KL: variants seen among roughly 807,000 people sequenced by gnomAD.
The protein encoded by KL is alpha-klotho.
Under a neutral mutation model 84.2 loss-of-function variants are expected in KL, and 62 were observed. The observed-to-expected ratio is 0.74, with a 90% confidence interval of 0.60 to 0.91. The LOEUF (loss-of-function observed/expected upper bound fraction) is 0.91, where lower values mean the gene tolerates loss of function less well. Among genes scored for constraint, KL ranks in the 40% least tolerant of loss-of-function variants. The probability of loss-of-function intolerance (pLI) is 0.00; values close to 1 mark genes in which losing one functional copy is unlikely to be tolerated. For missense variants in KL, 1,261 were observed against 1,305.7 expected (o/e 0.97, Z 0.53); for synonymous variants, 528 against 528.0 (o/e 1.00, Z 0.00).
chr13:33,045,114 A>T (rs1267038931), intron 1 of KL, among the ~76,000 whole-genome samples: 1 of 152,186 alleles, frequency 6.6e-6, no homozygotes, highest in Non-Finnish European at 1.5e-5. Flanking sequence ...GGAACTTATT[A>T]TAAATGGAAT....
chr13:33,051,041 T>A (rs55777852), intron 1 of KL, among the ~76,000 whole-genome samples: 3,729 of 152,294 alleles, frequency 0.024, 135 homozygotes, highest in African/African-American at 0.086. Flanking sequence ...GCAGGGGTTG[T>A]TTCCTCCACC....
At chr13:33,018,947 C>A (rs934402698) in intron 1 of KL, among the ~76,000 whole-genome samples, 3 of 152,116 alleles carry the variant, frequency 2.0e-5, no homozygotes, top group Non-Finnish European at 4.4e-5. Flanking sequence ...TTTAAATAAT[C>A]AACATGTTTT....
rs530202249 is a variant in KL at position 33,062,952 on chromosome 13, AG to A, written c.2702-890del. ...TAAGGCATGGTGAAGAGTGATTGGC[AG>A]GGGGGGAAAATGAAGTAACAGGTTA... On this transcript the variant is annotated intron_variant, in intron 4 of 4. Transcript: ENST00000380099. Among the ~76,000 whole-genome samples the A allele has an allele frequency of 1.7e-3, 266 of 152,072 alleles. 5 individuals are homozygous for A. The highest frequency in any genetic ancestry group is 6.1e-3 in the African/African-American group (254 of 41,460).
At chr13:33,028,884 A>G (rs1870871165) in intron 1 of KL, among the ~76,000 whole-genome samples, 1 of 152,220 alleles carries the variant, frequency 6.6e-6, no homozygotes, top group East Asian at 1.9e-4. Flanking sequence ...TGTGTAAGAG[A>G]GCTAAACCCT....
chr13:33,016,458 G>C lies in KL; in HGVS notation c.18G>C (p.Pro6=). The C allele has an allele frequency of 4.1e-6, 4 of 971,400 alleles. No individual in the cohort carries two copies. Among genetic ancestry groups the C allele is most frequent in the Non-Finnish European group, 4.9e-6 (4 of 821,464 alleles). The allele number at this position is 971,400 out of a possible 1,614,324, so 60.2% of individuals were successfully genotyped here. The part of the protein sequence containing the change: MPASA[P]PRRPRPPPPS... ...CGCGCAGCATGCCCGCCAGCGCCCCGCCGCGCCGCCCGCGGCCGCCGCCGC... is the reference window on the plus strand; with the variant it reads ...CGCGCAGCATGCCCGCCAGCGCCCCCCCGCGCCGCCCGCGGCCGCCGCCGC... Residue 6 remains proline, a synonymous_variant, in exon 1 of 5, where the codon CCG becomes CCC. Coordinates refer to ENST00000380099, the MANE Select transcript of KL (RefSeq NM_004795.4).
chr13:33,058,967 A>C (rs1872071324), intron 3 of KL, among the ~76,000 whole-genome samples: 1 of 152,188 alleles, frequency 6.6e-6, no homozygotes, highest in African/African-American at 2.4e-5. Flanking sequence ...GCAAGGGACA[A>C]TTCTCCAGAA....
intron 1 of KL, among the ~76,000 whole-genome samples, chr13:33,051,664 TC>T (rs1871754269): frequency 6.6e-6 from 1 of 152,206 alleles, no homozygotes; most frequent in South Asian, 2.1e-4. Flanking sequence ...CTTGTTAAAG[TC>T]CTCAAGGTTA....
chr13:33,020,443 G>A (rs1179385955), intron 1 of KL, among the ~76,000 whole-genome samples: 6 of 152,010 alleles, frequency 3.9e-5, no homozygotes, highest in African/African-American at 1.5e-4. Context: ...GCTGCATCCC[G>A]ATGACTGGAG....
rs1872163558 is a variant in KL, at chr13:33,061,017, A to G, written c.1938A>G (p.Gly646=). The G allele has an allele frequency of 1.2e-6, 2 of 1,612,504 alleles. No homozygotes were observed. Among genetic ancestry groups the G allele is most frequent in the Non-Finnish European group, 1.7e-6 (2 of 1,178,932 alleles). Residue 646 remains glycine (G), a synonymous_variant, in exon 4 of 5, where the codon GGA becomes GGG. Coordinates refer to ENST00000380099, the MANE Select transcript of KL (RefSeq NM_004795.4). The part of the protein sequence containing the change: ...ALWQPMAPNQ[G]LPRLLARQGA... ...GGCAGCCTATGGCCCCGAACCAAGG[A>G]CTGCCGCGCCTCCTGGCCAGGCAGG...
intron 4 of KL, among the ~76,000 whole-genome samples, chr13:33,062,444 AGGT>A (rs1872244420): frequency 6.6e-6 from 1 of 151,768 alleles, no homozygotes; most frequent in South Asian, 2.1e-4. Context: ...AGGCTGAGGC[AGGT>A]GGATCATCTG....
chr13:33,023,945 G>A (rs555316570), intron 1 of KL, among the ~76,000 whole-genome samples: 122 of 152,160 alleles, frequency 8.0e-4, no homozygotes, highest in Non-Finnish European at 1.2e-3. Flanking sequence ...GCTCTCCTGG[G>A]GTCAGCTAGC....
At chr13:33,017,686 T>C (rs1870423787) in intron 1 of KL, among the ~76,000 whole-genome samples, 2 of 152,280 alleles carry the variant, frequency 1.3e-5, no homozygotes, top group East Asian at 3.9e-4. Context: ...ACGAGTTCAG[T>C]GTTAATCCAA....
At chr13:33,019,732 T>TGTGTGAGAGAGAGA (rs139721497) in intron 1 of KL, among the ~76,000 whole-genome samples, 3 of 133,364 alleles carry the variant, frequency 2.2e-5, no homozygotes, top group African/African-American at 8.9e-5. Context: ...TGTGTGTGTG[T>TGTGTGAGAGAGAGA]GAGAGAGAGA....
At chr13:33,058,143 T>G (rs1351401484) in intron 3 of KL, among the ~76,000 whole-genome samples, 2 of 152,190 alleles carry the variant, frequency 1.3e-5, no homozygotes, top group Non-Finnish European at 1.5e-5. Flanking sequence ...GAACTCACTA[T>G]GTAGTGAGGA....
intron 1 of KL, among the ~76,000 whole-genome samples, chr13:33,043,481 A>C (rs1871413236): frequency 6.6e-6 from 1 of 152,054 alleles, no homozygotes; most frequent in Non-Finnish European, 1.5e-5. Context: ...CAGCCTCCCA[A>C]ATTGCTGGGA....
In KL at chr13:33,061,447, A is replaced by T; in HGVS notation, c.2368A>T (p.Thr790Ser). ...QRNNFLLPYF[T>S]EDEKKLIQGT... ...AAACAATTTTCTTCTTCCTTATTTC[A>T]CTGAAGATGAAAAAAAGCTAATCCA... is the stretch of plus-strand genomic sequence containing the variant. Residue 790 changes from threonine to serine, a missense_variant, in exon 4 of 5, where the codon ACT becomes TCT. Transcript: ENST00000380099. 1 of 1,614,076 alleles carries T rather than the reference A, an allele frequency of 6.2e-7. No homozygotes were observed. The highest frequency in any genetic ancestry group is 8.5e-7 in the Non-Finnish European group (1 of 1,180,006).
chr13:33,027,856 T>C (rs776072931), intron 1 of KL, among the ~76,000 whole-genome samples: 2 of 152,184 alleles, frequency 1.3e-5, no homozygotes, highest in African/African-American at 2.4e-5. Flanking sequence ...CTGAAAGAAG[T>C]AAATGTCAAG....
chr13:33,045,587 T>A (rs1871497025), intron 1 of KL, among the ~76,000 whole-genome samples: 1 of 152,152 alleles, frequency 6.6e-6, no homozygotes, highest in African/African-American at 2.4e-5. Context: ...TTCAAGCGAT[T>A]CTCCTGCCTC....
chr13:33,046,177 G>A (rs1352769850), intron 1 of KL, among the ~76,000 whole-genome samples: 2 of 152,144 alleles, frequency 1.3e-5, no homozygotes, highest in East Asian at 3.9e-4. Flanking sequence ...GTTAGAAAGT[G>A]TTCTTTCTTC....
Sources: gnomAD v4.1 joint callset for allele counts (sites outside exome capture counted in the v4.1 genomes callset) on GRCh38, gnomAD v4.1.1 for gene constraint, MANE v1.5 for transcripts, NCBI Gene and HGNC (gene_info 2026-07-23, HGNC 2026-07-21) for gene names.